The following MYO3A variants were observed in gnomAD, a reference collection of about 807,000 sequenced individuals.
MYO3A encodes the protein myosin-IIIa.
In MYO3A, 180 loss-of-function variants were observed where a neutral mutation model predicts 192.7. That is an observed-to-expected ratio of 0.93 (90% CI 0.83 to 1.06). MYO3A has a LOEUF of 1.06. Among genes scored for constraint, MYO3A ranks in the 50% least tolerant of loss-of-function variants. The pLI, the probability that MYO3A is intolerant of heterozygous loss-of-function variation, is 0.00. For synonymous variants in MYO3A, 628 were observed against 645.3 expected (o/e 0.97, Z 0.41); for missense variants, 1,896 against 1,905.0 (o/e 1.00, Z 0.09).
At chr10:26,102,315 T>A (rs186510154) in intron 17 of MYO3A, among the ~76,000 whole-genome samples, 11 of 152,242 alleles carry the variant, frequency 7.2e-5, no homozygotes, top group African/African-American at 2.6e-4. Flanking sequence ...TTTTTCAAGG[T>A]TTTTAGCTTC....
intron 25 of MYO3A, among the ~76,000 whole-genome samples, chr10:26,155,079 G>A (rs1281752937): frequency 6.6e-6 from 1 of 152,162 alleles, no homozygotes; most frequent in African/African-American, 2.4e-5. Flanking sequence ...CCATAGAACA[G>A]AATGCATTTC....
At chr10:26,053,660 C>T (rs112475747) in intron 10 of MYO3A, among the ~76,000 whole-genome samples, 24,633 of 151,818 alleles carry the variant, frequency 0.16, 2,295 homozygotes, top group Non-Finnish European at 0.21. Context: ...CCCGTCTCTA[C>T]TAAAAACACA....
At chr10:25,955,930 A>C (rs547433860) in intron 4 of MYO3A, among the ~76,000 whole-genome samples, 1 of 152,176 alleles carries the variant, frequency 6.6e-6, no homozygotes, top group Non-Finnish European at 1.5e-5. Flanking sequence ...TAGGTAATTC[A>C]TACAGAATAG....
intron 20 of MYO3A, among the ~76,000 whole-genome samples, chr10:26,135,127 C>T (rs1000947454): frequency 2.0e-5 from 3 of 152,094 alleles, no homozygotes; most frequent in Non-Finnish European, 2.9e-5. Flanking sequence ...GGTTATAGGA[C>T]AGTGAAATGA....
At chr10:26,136,246 T>C (rs1338349815) in intron 20 of MYO3A, among the ~76,000 whole-genome samples, 1 of 152,184 alleles carries the variant, frequency 6.6e-6, no homozygotes, top group Non-Finnish European at 1.5e-5. Context: ...AAATAAGAGA[T>C]ACTGATTTAT....
Position 26,070,323 on chromosome 10 carries a change from T to G in MYO3A, c.1281T>G (p.Ile427Met). The change falls in exon 14 of 35, where the codon ATT (isoleucine) becomes ATG (methionine). Residue 427 changes from isoleucine (I) to methionine (M), a missense_variant. Coordinates refer to ENST00000642920, the MANE Select transcript of MYO3A (RefSeq NM_017433.5). ...GTTTTCTTTTCTATGTATAGTGCATTGTTATTTCTGGAGAAAGTGGTGCTG... is the reference window on the plus strand; with the variant it reads ...GTTTTCTTTTCTATGTATAGTGCATGGTTATTTCTGGAGAAAGTGGTGCTG... ...SMITYNSDQC[I>M]VISGESGAGK... 1 of 1,613,182 alleles carries G rather than the reference T, an allele frequency of 6.2e-7. No homozygotes were observed. The highest frequency in any genetic ancestry group is 8.5e-7 in the Non-Finnish European group (1 of 1,179,368).
At chr10:26,096,732 C>A in intron 17 of MYO3A, 50 bp downstream of exon 17, 1 of 1,271,664 alleles carries the variant, frequency 7.9e-7, no homozygotes, top group Non-Finnish European at 1.2e-6. Flanking sequence ...TTTTTATCAT[C>A]ACTAATGTTA....
chr10:25,989,422 G>T (rs945350362), intron 4 of MYO3A, among the ~76,000 whole-genome samples: 2 of 152,086 alleles, frequency 1.3e-5, no homozygotes, highest in Non-Finnish European at 2.9e-5. Context: ...GCAGCTAAAA[G>T]GGTATTACCC....
At chr10:25,982,697 A>G (rs1345056975) in intron 4 of MYO3A, among the ~76,000 whole-genome samples, 1 of 152,144 alleles carries the variant, frequency 6.6e-6, no homozygotes, top group Non-Finnish European at 1.5e-5. Flanking sequence ...AGCAAAACCA[A>G]TAACTACAAT....
chr10:26,092,219 G>A (rs992283114), intron 15 of MYO3A, among the ~76,000 whole-genome samples: 5 of 152,320 alleles, frequency 3.3e-5, no homozygotes, highest in South Asian at 2.1e-4. Context: ...TGTAATCCCA[G>A]CACTTTGGGA....
intron 10 of MYO3A, among the ~76,000 whole-genome samples, chr10:26,041,046 A>G (rs2131219274): frequency 6.6e-6 from 1 of 152,122 alleles, no homozygotes; most frequent in South Asian, 2.1e-4. Context: ...TAGCTCTAAT[A>G]TTTGCTTTAT....
chr10:25,952,093 G>A lies in MYO3A; in HGVS notation c.-17-1G>A. 1 of 1,600,902 alleles carries A rather than the reference G, an allele frequency of 6.2e-7. No individual in the cohort carries two copies. On this transcript the variant is annotated splice_acceptor_variant, in intron 2 of 34. Coordinates refer to ENST00000642920, the MANE Select transcript of MYO3A (RefSeq NM_017433.5). LOFTEE classifies it low-confidence loss of function (5UTR_SPLICE). ...GATGAAACTGTACTTCTTATCTCCA[G>A]GTTTTTAAACCTTTGAGATGTTTCC...
intron 31 of MYO3A, among the ~76,000 whole-genome samples, chr10:26,190,321 T>C (rs1564633992): frequency 6.6e-6 from 1 of 152,222 alleles, no homozygotes; most frequent in Non-Finnish European, 1.5e-5. Context: ...GGTGTTATCA[T>C]TGTTTTCAAC....
intron 15 of MYO3A, among the ~76,000 whole-genome samples, chr10:26,095,962 C>T (rs947725212): frequency 1.3e-5 from 2 of 152,146 alleles, no homozygotes; most frequent in Non-Finnish European, 2.9e-5. Flanking sequence ...ATAGGAAACA[C>T]ATGACCACCT....
At chr10:26,205,505 A>G (rs1487887438) in intron 34 of MYO3A, among the ~76,000 whole-genome samples, 4 of 138,244 alleles carry the variant, frequency 2.9e-5, no homozygotes, top group African/African-American at 1.1e-4. Flanking sequence ...TGTATAAGTG[A>G]GATCATGCTA....
At chr10:26,201,862 G>A (rs955341078) in intron 33 of MYO3A, among the ~76,000 whole-genome samples, 9 of 152,180 alleles carry the variant, frequency 5.9e-5, no homozygotes, top group African/African-American at 1.9e-4. Flanking sequence ...TAAATGAATC[G>A]TACCCTCCCA....
chr10:25,989,121 T>C (rs910424901), intron 4 of MYO3A, among the ~76,000 whole-genome samples: 23 of 151,624 alleles, frequency 1.5e-4, no homozygotes, highest in African/African-American at 5.6e-4. Context: ...TATAAAAAAA[T>C]TTTTTTAGAG....
chr10:26,033,315 G>A (rs549553409), intron 10 of MYO3A, among the ~76,000 whole-genome samples: 5 of 152,170 alleles, frequency 3.3e-5, no homozygotes, highest in South Asian at 2.1e-4. Context: ...TCCTGACCTC[G>A]TGGTCCACCC....
At chr10:26,206,412 A>G (rs2132231003) in intron 34 of MYO3A, among the ~76,000 whole-genome samples, 1 of 150,354 alleles carries the variant, frequency 6.7e-6, no homozygotes, top group East Asian at 2.0e-4. Context: ...TATGCCCAGA[A>G]GTAGGATCAT....
Sources: allele counts gnomAD v4.1 joint callset (sites outside exome capture counted in the v4.1 genomes callset), GRCh38; gene constraint gnomAD v4.1.1; transcripts MANE v1.5; gene names NCBI Gene and HGNC (gene_info 2026-07-23, HGNC 2026-07-21).